The following ATRNL1 variants were observed in gnomAD, a reference collection of about 807,000 sequenced individuals.
ATRNL1 encodes attractin-like protein 1.
A neutral mutation model predicts 182.7 loss-of-function variants in ATRNL1; 95 were observed. The ratio of observed to expected loss-of-function variants is 0.52; its 90% CI spans 0.44 to 0.62. ATRNL1 has a LOEUF of 0.62. ATRNL1 is among the 20% of genes least tolerant of loss of function. The pLI is 0.00. For synonymous variants in ATRNL1, 576 were observed against 568.3 expected (o/e 1.01, Z -0.19); for missense variants, 1,471 against 1,679.5 (o/e 0.88, Z 2.17).
chr10:115,930,681 G>A (rs782703610), intron 28 of ATRNL1, among the ~76,000 whole-genome samples: 8 of 152,116 alleles, frequency 5.3e-5, no homozygotes, highest in South Asian at 2.1e-4. Flanking sequence ...TTAAAATCTC[G>A]TACAAAGACT....
chr10:115,653,534 G>A (rs1434053094), intron 26 of ATRNL1, among the ~76,000 whole-genome samples: 1 of 152,066 alleles, frequency 6.6e-6, no homozygotes, highest in Admixed American at 6.6e-5. Flanking sequence ...CCCAAAACTG[G>A]CCCCTATTTT....
At chr10:115,468,503 T>A (rs1331667326) in intron 23 of ATRNL1, among the ~76,000 whole-genome samples, 4 of 150,846 alleles carry the variant, frequency 2.7e-5, no homozygotes, top group Non-Finnish European at 6.0e-5. Context: ...TACTATTGAT[T>A]AAGGTGAAAG....
At chr10:115,097,705 C>T (rs913235750) in intron 1 of ATRNL1, among the ~76,000 whole-genome samples, 2 of 152,176 alleles carry the variant, frequency 1.3e-5, no homozygotes, top group African/African-American at 2.4e-5. Context: ...GCGGGCGGAT[C>T]ATGAGGTCAG....
At chr10:115,753,063 G>A (rs1205201655) in intron 27 of ATRNL1, among the ~76,000 whole-genome samples, 1 of 152,010 alleles carries the variant, frequency 6.6e-6, no homozygotes, top group Non-Finnish European at 1.5e-5. Context: ...CTAGAAGATA[G>A]GAATAATAAT....
At chr10:115,493,740 TAA>T (rs1221763943) in intron 24 of ATRNL1, among the ~76,000 whole-genome samples, 1 of 152,228 alleles carries the variant, frequency 6.6e-6, no homozygotes, top group Non-Finnish European at 1.5e-5. Context: ...CAACACTGTA[TAA>T]GTTTTCTCTT....
intron 26 of ATRNL1, among the ~76,000 whole-genome samples, chr10:115,600,527 C>A (rs1856534452): frequency 1.3e-5 from 2 of 151,976 alleles, no homozygotes; most frequent in South Asian, 4.1e-4. Context: ...ATCTGTTTCT[C>A]TTTTGTCATG....
At chr10:115,782,008 A>T (rs1429666377) in intron 27 of ATRNL1, among the ~76,000 whole-genome samples, 2 of 152,214 alleles carry the variant, frequency 1.3e-5, no homozygotes, top group Non-Finnish European at 2.9e-5. Context: ...ATAATTTAGG[A>T]TATTTGTTCC....
At chr10:115,305,743 ATTGTT>A (rs549545014) in intron 17 of ATRNL1, among the ~76,000 whole-genome samples, 55 of 152,318 alleles carry the variant, frequency 3.6e-4, no homozygotes, top group African/African-American at 1.3e-3. Context: ...ACGGCACTGT[ATTGTT>A]TAGAAATGCG....
At chr10:115,558,066 A>AAC (rs1491384608) in intron 26 of ATRNL1, among the ~76,000 whole-genome samples, 10 of 17,418 alleles carry the variant, frequency 5.7e-4, no homozygotes, top group African/African-American at 2.4e-3. Context: ...ACAAAAAAAC[A>AAC]AAAAAAAAAA....
intron 1 of ATRNL1, among the ~76,000 whole-genome samples, chr10:115,101,688 A>G (rs1263621906): frequency 3.3e-5 from 5 of 152,164 alleles, no homozygotes; most frequent in Admixed American, 6.6e-5. Flanking sequence ...AGTTTTGGTG[A>G]CAAGATAATG....
chr10:115,375,398 G>C (rs1554949276), intron 19 of ATRNL1, among the ~76,000 whole-genome samples: 3 of 151,742 alleles, frequency 2.0e-5, no homozygotes, highest in African/African-American at 7.3e-5. Flanking sequence ...TCTATTGTTT[G>C]ATCACTAAAA....
intron 26 of ATRNL1, among the ~76,000 whole-genome samples, chr10:115,710,132 T>TAAA (rs71475106): frequency 2.5e-4 from 37 of 148,844 alleles, no homozygotes; most frequent in African/African-American, 8.4e-4. Flanking sequence ...TATCCTATAG[T>TAAA]AAAAAAAAAA....
intron 9 of ATRNL1, among the ~76,000 whole-genome samples, chr10:115,226,748 T>G (rs1407528355): frequency 6.6e-6 from 1 of 151,816 alleles, no homozygotes; most frequent in East Asian, 1.9e-4. Flanking sequence ...CCAATTGAAC[T>G]AAATAGAAAA....
chr10:115,499,430 A>T lies in ATRNL1; in HGVS notation c.3655-19833A>T, dbSNP rs141699397. Among the ~76,000 whole-genome samples the T allele has an allele frequency of 1.7e-4, 26 of 152,326 alleles. No individual in the cohort carries two copies. In the East Asian group the frequency reaches 5.0e-3, roughly 29 times the overall value. ...CATTGAGTGTGTGAACACCGAAAAG[A>T]TGAGACAGGTGTCAGTTAATTTAGA... On this transcript the variant is annotated intron_variant, in intron 24 of 28. Coordinates refer to ENST00000355044, the MANE Select transcript of ATRNL1 (RefSeq NM_207303.4).
chr10:115,524,796 G>C (rs1851124466), intron 25 of ATRNL1, among the ~76,000 whole-genome samples: 1 of 152,158 alleles, frequency 6.6e-6, no homozygotes, highest in African/African-American at 2.4e-5. Context: ...AATTTAGTCA[G>C]AATTTGTTAT....
chr10:115,788,091 G>A (rs1163245232), intron 27 of ATRNL1, among the ~76,000 whole-genome samples: 1 of 152,164 alleles, frequency 6.6e-6, no homozygotes, highest in African/African-American at 2.4e-5. Context: ...TGGAAAATAT[G>A]AGATACACCA....
chr10:115,479,990 G>A (rs538438125), intron 24 of ATRNL1, among the ~76,000 whole-genome samples: 4 of 151,280 alleles, frequency 2.6e-5, no homozygotes, highest in Admixed American at 2.0e-4. Flanking sequence ...AATCTGCAAA[G>A]TGATGTCATA....
chr10:115,670,204 A>G (rs1281294142), intron 26 of ATRNL1, among the ~76,000 whole-genome samples: 1 of 152,088 alleles, frequency 6.6e-6, no homozygotes, highest in African/African-American at 2.4e-5. Flanking sequence ...GGATAGTCAT[A>G]CTTTATACAG....
rs974268981 is a variant in ATRNL1 at position 115,660,124 on chromosome 10, G to A, written c.3796-67124G>A. ...GGAGACTGTATGTATGGTCATGATA[G>A]GGGGACGAACCAATGTATATTCACC... On this transcript the variant is annotated intron_variant, in intron 26 of 28. Coordinates refer to ENST00000355044, the MANE Select transcript of ATRNL1 (RefSeq NM_207303.4). 4.6e-5 allele frequency among the ~76,000 whole-genome samples: 7 copies of A among 152,116 alleles called. No homozygotes were observed. In the East Asian group the frequency reaches 1.4e-3, roughly 29 times the overall value.
Sources: allele counts gnomAD v4.1 joint callset (sites outside exome capture counted in the v4.1 genomes callset), GRCh38; gene constraint gnomAD v4.1.1; transcripts MANE v1.5; gene names NCBI Gene and HGNC (gene_info 2026-07-23, HGNC 2026-07-21).